MACROD2: variants seen among roughly 807,000 people sequenced by gnomAD.
MACROD2 encodes the protein mono-ADP ribosylhydrolase 2.
MACROD2 carries 36 observed loss-of-function variants against 70.4 expected under a neutral mutation model. The observed-to-expected ratio is 0.51, with a 90% CI of 0.39 to 0.68. The LOEUF (loss-of-function observed/expected upper bound fraction) is 0.68, where lower values mean the gene tolerates loss of function less well. MACROD2 is among the 30% of genes least tolerant of loss of function. MACROD2 has a pLI of 0.00. For synonymous variants in MACROD2, 172 were observed against 178.8 expected (o/e 0.96, Z 0.30); for missense variants, 496 against 538.4 (o/e 0.92, Z 0.78).
At chr20:14,004,015 G>A (rs1317827543) in intron 2 of MACROD2, among the ~76,000 whole-genome samples, 1 of 152,098 alleles carries the variant, frequency 6.6e-6, no homozygotes, top group East Asian at 1.9e-4. Flanking sequence ...GCTACAGGTC[G>A]AGTATCCCTT....
chr20:15,766,929 C>T (rs767326322), intron 8 of MACROD2, among the ~76,000 whole-genome samples: 5 of 152,142 alleles, frequency 3.3e-5, no homozygotes, highest in African/African-American at 4.8e-5. Context: ...AGCCAGAGGG[C>T]GAGCCCCCTT....
chr20:14,051,822 C>T (rs1374995140), intron 2 of MACROD2: 1 of 470,394 alleles, frequency 2.1e-6, no homozygotes, highest in African/African-American at 2.0e-5. Context: ...TATTCTGGAC[C>T]ACTTGAAAGG....
chr20:14,345,859 T>G (rs1400121751), intron 3 of MACROD2, among the ~76,000 whole-genome samples: 1 of 151,958 alleles, frequency 6.6e-6, no homozygotes, highest in Admixed American at 6.6e-5. Flanking sequence ...CCCAGCACTT[T>G]GATCACGAGG....
chr20:15,275,267 G>C (rs2077380873), intron 6 of MACROD2, among the ~76,000 whole-genome samples: 2 of 152,114 alleles, frequency 1.3e-5, no homozygotes, highest in African/African-American at 4.8e-5. Flanking sequence ...CAACCTCCCA[G>C]GTCATTTTAA....
chr20:14,066,957 GCCCA>G (rs2053767780), intron 2 of MACROD2, among the ~76,000 whole-genome samples: 1 of 150,950 alleles, frequency 6.6e-6, no homozygotes. Flanking sequence ...GACTACAGGC[GCCCA>G]CCACCACGCC....
intron 5 of MACROD2, among the ~76,000 whole-genome samples, chr20:14,844,681 A>G (rs970462733): frequency 2.0e-5 from 3 of 152,104 alleles, no homozygotes; most frequent in African/African-American, 7.2e-5. Context: ...TTTCTCTCAA[A>G]AAGAAAGGCA....
chr20:14,437,678 T>C (rs1370402326), intron 3 of MACROD2, among the ~76,000 whole-genome samples: 1 of 152,222 alleles, frequency 6.6e-6, no homozygotes, highest in Non-Finnish European at 1.5e-5. Flanking sequence ...CTTCACTTTA[T>C]CACTTTGAAA....
chr20:15,208,305 TTCTA>T (rs749051715), intron 5 of MACROD2, among the ~76,000 whole-genome samples: 11 of 152,300 alleles, frequency 7.2e-5, no homozygotes, highest in South Asian at 2.1e-4. Context: ...TGCTGAGACT[TTCTA>T]TCTGTTTGTT....
chr20:14,586,405 T>C (rs1197890400), intron 4 of MACROD2, among the ~76,000 whole-genome samples: 1 of 152,094 alleles, frequency 6.6e-6, no homozygotes, highest in African/African-American at 2.4e-5. Flanking sequence ...TAGGGTGCCA[T>C]GTGAAAAGAT....
chr20:15,353,724 A>C (rs1346179778), intron 6 of MACROD2, among the ~76,000 whole-genome samples: 50 of 131,988 alleles, frequency 3.8e-4, no homozygotes, highest in African/African-American at 1.3e-3. Context: ...GAAGACATTT[A>C]TGCAGCCAAA....
intron 3 of MACROD2, among the ~76,000 whole-genome samples, chr20:14,246,211 G>A (rs965388951): frequency 6.6e-6 from 1 of 152,140 alleles, no homozygotes; most frequent in Non-Finnish European, 1.5e-5. Context: ...AGATCCCACA[G>A]CAGCCATTTG....
At chr20:16,021,895 G>A (rs931901554) in intron 15 of MACROD2, among the ~76,000 whole-genome samples, 2 of 152,068 alleles carry the variant, frequency 1.3e-5, no homozygotes, top group African/African-American at 2.4e-5. Context: ...CAAAATATAA[G>A]CATTGAATAA....
At chr20:16,033,250 T>C (rs993186365) in intron 15 of MACROD2, among the ~76,000 whole-genome samples, 6 of 152,060 alleles carry the variant, frequency 3.9e-5, no homozygotes, top group African/African-American at 1.4e-4. Flanking sequence ...TTGTTCTTCA[T>C]GTAGATGTAG....
intron 3 of MACROD2, among the ~76,000 whole-genome samples, chr20:14,278,179 A>G (rs1178236514): frequency 2.0e-5 from 3 of 152,250 alleles, no homozygotes; most frequent in African/African-American, 7.2e-5. Context: ...TAAATCTCAG[A>G]GTAATTTTAA....
intron 2 of MACROD2, among the ~76,000 whole-genome samples, chr20:14,005,536 T>A (rs533092823): frequency 2.0e-4 from 31 of 152,234 alleles, no homozygotes; most frequent in African/African-American, 7.2e-4. Context: ...TGGTGGGGCT[T>A]AATCGTAAGT....
intron 6 of MACROD2, among the ~76,000 whole-genome samples, chr20:15,379,499 T>C (rs939432103): frequency 1.3e-5 from 2 of 151,800 alleles, no homozygotes; most frequent in Non-Finnish European, 2.9e-5. Context: ...CAACCACAGG[T>C]GGTCCACAGC....
At chr20:14,559,597 C>T (rs1966348717) in intron 4 of MACROD2, among the ~76,000 whole-genome samples, 1 of 151,748 alleles carries the variant, frequency 6.6e-6, no homozygotes, top group Non-Finnish European at 1.5e-5. Context: ...TACTTGTTCT[C>T]CCTCTACTTT....
chr20:13,996,822 G>T (rs2052665464), intron 1 of MACROD2, among the ~76,000 whole-genome samples: 2 of 152,160 alleles, frequency 1.3e-5, no homozygotes, highest in Admixed American at 6.5e-5. Flanking sequence ...ACTAAAACCT[G>T]TATAGCAAGG....
At chr20:14,376,813 C>G (rs2083376247) in intron 3 of MACROD2, among the ~76,000 whole-genome samples, 1 of 150,378 alleles carries the variant, frequency 6.6e-6, no homozygotes, top group Non-Finnish European at 1.5e-5. Flanking sequence ...CCCTTTGACT[C>G]TTTGGAACCA....
Sources: gnomAD v4.1 joint callset for allele counts (sites outside exome capture counted in the v4.1 genomes callset) on GRCh38, gnomAD v4.1.1 for gene constraint, MANE v1.5 for transcripts, NCBI Gene and HGNC (gene_info 2026-07-23, HGNC 2026-07-21) for gene names.